GAS7: variants seen among roughly 807,000 people sequenced by gnomAD.
GAS7 encodes growth arrest specific 7.
In GAS7, 28 loss-of-function variants were observed where a neutral mutation model predicts 71.1. The observed-to-expected ratio is 0.39, with a 90% CI of 0.29 to 0.54. GAS7 has a LOEUF of 0.54. Ranked by LOEUF, GAS7 falls within the 20% of genes least tolerant of loss-of-function variation. The pLI is 0.62. For missense variants in GAS7, 436 were observed against 627.8 expected (o/e 0.69, Z 3.27); for synonymous variants, 258 against 245.8 (o/e 1.05, Z -0.46).
rs536907218 is a variant in GAS7, at chr17:10,090,169, C to CA, written c.184-70273dup. Among the ~76,000 whole-genome samples the CA allele has an allele frequency of 2.6e-3, 327 of 126,368 alleles. 2 individuals carry two copies. Among genetic ancestry groups the CA allele is most frequent in the Middle Eastern group, 4.1e-3 (1 of 242 alleles). The allele number at this position is 126,368 out of a possible 152,430, so 82.9% of individuals were successfully genotyped here. A position where few individuals can be genotyped will look rare whatever the true frequency, so the allele number is the denominator to read the frequency against. The stretch of plus-strand genomic sequence containing the variant: ...CGGCAATAGAGAGAGACTCCGTCTC[C>CA]AAAAAAAAAAAAAGCAGCATGGCTG... On this transcript the variant is annotated intron_variant, in intron 1 of 13. Transcript: ENST00000432992.
rs1395548905 is a variant in GAS7 at position 9,925,673 on chromosome 17, C to A, written c.1015-74G>T. ...GGGCCTCCTGGGCCACGCAGCCCAG[C>A]TTCCCTTTGGAGTCCTTTCGCCCCT... On this transcript the variant is annotated intron_variant, in intron 10 of 13. Transcript: ENST00000432992. The A allele has an allele frequency of 2.6e-6, 4 of 1,559,842 alleles. No individual in the cohort carries two copies. The African/African-American group carries it at 5.4e-5, about 21-fold the overall frequency.
At chr17:10,143,767 T>A (rs1373615369) in intron 1 of GAS7, among the ~76,000 whole-genome samples, 1 of 152,212 alleles carries the variant, frequency 6.6e-6, no homozygotes, top group African/African-American at 2.4e-5. Flanking sequence ...CTCAGACTTG[T>A]AGTCTCTAGA....
intron 9 of GAS7, among the ~76,000 whole-genome samples, chr17:9,929,473 A>G (rs1253643801): frequency 6.6e-6 from 1 of 151,964 alleles, no homozygotes; most frequent in Non-Finnish European, 1.5e-5. Context: ...CAAGTATTTT[A>G]TTTATTTATT....
Position 10,094,171 on chromosome 17 carries a change from A to C in GAS7, c.184-74274T>G, listed in dbSNP as rs2073617621. 3.3e-5 allele frequency among the ~76,000 whole-genome samples: 5 copies of C among 152,360 alleles called. No homozygotes were observed. The South Asian group carries it at 1.0e-3, about 32-fold the overall frequency. On this transcript the variant is annotated intron_variant, in intron 1 of 13. Transcript: ENST00000432992. ...AACCTAAGGCAAAGACCCCAAGATC[A>C]GCAGCTTGCAGGCCCCAGGCACTCA...
chr17:9,937,463 T>A (rs2068442105), intron 8 of GAS7, among the ~76,000 whole-genome samples: 2 of 152,224 alleles, frequency 1.3e-5, no homozygotes, highest in South Asian at 4.1e-4. Flanking sequence ...CTCCTCTATG[T>A]GCCCCCTTCC....
chr17:10,022,172 G>A (rs2072295469), intron 1 of GAS7, among the ~76,000 whole-genome samples: 1 of 152,132 alleles, frequency 6.6e-6, no homozygotes, highest in South Asian at 2.1e-4. Context: ...TGGAAGGATT[G>A]CCTGAGCCTA....
At chr17:9,997,560 T>C (rs560836485) in intron 2 of GAS7, among the ~76,000 whole-genome samples, 2 of 152,252 alleles carry the variant, frequency 1.3e-5, no homozygotes, top group South Asian at 4.1e-4. Context: ...CCAGCAAGTC[T>C]CCAGCGGACA....
chr17:9,960,391 T>C (rs1422219908), intron 4 of GAS7, among the ~76,000 whole-genome samples: 2 of 152,196 alleles, frequency 1.3e-5, no homozygotes, highest in Admixed American at 1.3e-4. Context: ...GGTTTCACCA[T>C]GTTGGCCAGG....
intron 2 of GAS7, among the ~76,000 whole-genome samples, chr17:9,999,587 G>T (rs1217176131): frequency 6.6e-6 from 1 of 151,934 alleles, no homozygotes; most frequent in African/African-American, 2.4e-5. Flanking sequence ...AATAGAAAGA[G>T]GTGAGGCTAT....
chr17:10,102,154 G>A (rs1388971242), intron 1 of GAS7, among the ~76,000 whole-genome samples: 4 of 128,504 alleles, frequency 3.1e-5, no homozygotes, highest in Middle Eastern at 5.0e-3. Flanking sequence ...TTTTGAAAAC[G>A]CACTGAAAGA....
At chr17:9,962,952 C>A (rs559819546) in intron 4 of GAS7, among the ~76,000 whole-genome samples, 2 of 150,846 alleles carry the variant, frequency 1.3e-5, no homozygotes, top group South Asian at 4.2e-4. Context: ...CCTGAACCTA[C>A]GCATAAGAGA....
At chr17:10,007,763 T>C (rs995088638) in intron 2 of GAS7, among the ~76,000 whole-genome samples, 7 of 151,896 alleles carry the variant, frequency 4.6e-5, no homozygotes, top group Non-Finnish European at 7.4e-5. Flanking sequence ...ATATTCTCCC[T>C]CTAAAAGCAT....
intron 1 of GAS7, among the ~76,000 whole-genome samples, chr17:10,073,328 C>T (rs1235683693): frequency 6.6e-6 from 1 of 152,164 alleles, no homozygotes; most frequent in Non-Finnish European, 1.5e-5. Flanking sequence ...TCGGGATGCA[C>T]AGTTTAAAGT....
At chr17:10,043,399 C>T (rs2072901043) in intron 1 of GAS7, among the ~76,000 whole-genome samples, 1 of 152,100 alleles carries the variant, frequency 6.6e-6, no homozygotes, top group Non-Finnish European at 1.5e-5. Context: ...GTACAGCTGA[C>T]CCTTGAACAA....
At chr17:10,160,924 T>C (rs993934107) in intron 1 of GAS7, among the ~76,000 whole-genome samples, 4 of 142,620 alleles carry the variant, frequency 2.8e-5, no homozygotes, top group Admixed American at 7.4e-5. Context: ...TTGGAAGCCA[T>C]AGAAATTGAA....
At chr17:10,152,786 G>A (rs1360009734) in intron 1 of GAS7, among the ~76,000 whole-genome samples, 1 of 152,170 alleles carries the variant, frequency 6.6e-6, no homozygotes, top group African/African-American at 2.4e-5. Flanking sequence ...CCTGAGAGCT[G>A]AAGATGAGCA....
At chr17:10,077,865 C>G (rs2073412051) in intron 1 of GAS7, among the ~76,000 whole-genome samples, 1 of 151,952 alleles carries the variant, frequency 6.6e-6, no homozygotes, top group Admixed American at 6.6e-5. Context: ...GACCAAAAAG[C>G]AGACAAGAAA....
chr17:10,047,096 C>T (rs1479540587), intron 1 of GAS7, among the ~76,000 whole-genome samples: 1 of 152,056 alleles, frequency 6.6e-6, no homozygotes, highest in East Asian at 1.9e-4. Context: ...GAGGACTGCC[C>T]ATCATCCATT....
chr17:9,917,376 G>T, intron 13 of GAS7, 35 bp from the exon 14 acceptor site: 2 of 1,459,126 alleles, frequency 1.4e-6, no homozygotes, highest in Non-Finnish European at 1.9e-6. Flanking sequence ...CACTGTTAGA[G>T]ACGGCGGCCA....
Sources: allele counts gnomAD v4.1 joint callset (sites outside exome capture counted in the v4.1 genomes callset), GRCh38; gene constraint gnomAD v4.1.1; transcripts MANE v1.5; gene names NCBI Gene and HGNC (gene_info 2026-07-23, HGNC 2026-07-21).